The following DMD variants were observed in gnomAD, a reference collection of about 807,000 sequenced individuals.
The protein encoded by DMD is dystrophin.
In DMD, 63 loss-of-function variants were observed where a neutral mutation model predicts 330.1. The ratio of observed to expected loss-of-function variants is 0.19; its 90% CI spans 0.16 to 0.24. The LOEUF (loss-of-function observed/expected upper bound fraction) is 0.24. DMD is among the 10% of genes least tolerant of loss of function. DMD has a pLI of 1.00. For missense variants in DMD, 3,344 were observed against 2,684.1 expected, an observed-to-expected ratio of 1.25 and a Z score of -5.43; for synonymous variants, 1,223 against 959.8, an observed-to-expected ratio of 1.27 and a Z score of -5.07.
rs550153421 is a variant in DMD at position 32,719,711 on chromosome X, G to C, written c.650-20418C>G. On this transcript the variant is annotated intron_variant, in intron 7 of 78. Transcript: ENST00000357033. ...CTTATTTAAGTTATTTTCACTGCTT[G>C]GAATGCCTGATACTTTTTTTTTCAT... Among the ~76,000 whole-genome samples the C allele has an allele frequency of 2.1e-4, 23 of 110,730 alleles. No homozygotes were observed. The East Asian group carries it at 5.1e-3, about 24-fold the overall frequency.
intron 60 of DMD, among the ~76,000 whole-genome samples, chrX:31,370,379 C>A (rs1180858312): frequency 8.9e-6 from 1 of 111,994 alleles, no homozygotes; most frequent in African/African-American, 3.2e-5. Context: ...AGACAAAAGA[C>A]ATGAACAGAC....
At chrX:31,508,494 T>C (rs2071174242) in intron 55 of DMD, 1 of 232,611 alleles carries the variant, frequency 4.3e-6, no homozygotes, top group Middle Eastern at 1.2e-3. Context: ...TGACAGTTTA[T>C]ATTAAACAGC....
intron 55 of DMD, among the ~76,000 whole-genome samples, chrX:31,590,152 A>C (rs761095497): frequency 9.0e-6 from 1 of 111,082 alleles, no homozygotes; most frequent in Admixed American, 9.6e-5. Context: ...CACACATCTT[A>C]ATTGTAAACT....
chrX:31,904,432 C>T (rs1283011090), intron 47 of DMD, among the ~76,000 whole-genome samples: 1 of 111,227 alleles, frequency 9.0e-6, no homozygotes, highest in African/African-American at 3.3e-5. Context: ...TTTTGACTTG[C>T]TTCTGACAAG....
Position 32,490,436 on chromosome X carries a change from C to T in DMD, c.2622+841G>A, listed in dbSNP as rs546289136. 1.8e-4 allele frequency among the ~76,000 whole-genome samples: 20 copies of T among 111,503 alleles called. No individual in the cohort carries two copies. In the South Asian group the frequency reaches 7.6e-3, roughly 42 times the overall value. On this transcript the variant is annotated intron_variant, in intron 20 of 78. Transcript: ENST00000357033. ...TTGTCCACTTACATCTTGTTTGCCC[C>T]TCCAGATCCACTGTCCGCTCTTCTC...
intron 2 of DMD, among the ~76,000 whole-genome samples, chrX:33,010,178 ATATT>A (rs2093661085): frequency 1.2e-5 from 1 of 80,780 alleles, no homozygotes; most frequent in Non-Finnish European, 2.7e-5. Context: ...ATATATGCAT[ATATT>A]TGTGTATGTA....
intron 1 of DMD, among the ~76,000 whole-genome samples, chrX:33,311,023 C>A (rs1386597933): frequency 1.8e-5 from 2 of 110,184 alleles, no homozygotes; most frequent in Non-Finnish European, 1.9e-5. Flanking sequence ...GACTTTATAT[C>A]CCAGTTCAAT....
intron 61 of DMD, among the ~76,000 whole-genome samples, chrX:31,343,048 G>A (rs1030128637): frequency 1.8e-5 from 2 of 111,682 alleles, no homozygotes; most frequent in Non-Finnish European, 3.8e-5. Flanking sequence ...AAAGTGATGG[G>A]ATTACAGGTG....
intron 50 of DMD, among the ~76,000 whole-genome samples, chrX:31,799,925 T>C: frequency 8.9e-6 from 1 of 112,721 alleles, no homozygotes; most frequent in East Asian, 2.8e-4. Flanking sequence ...ATGATCTCCT[T>C]TGACTACATG....
At chrX:32,556,518 T>C (rs1438660628) in intron 16 of DMD, among the ~76,000 whole-genome samples, 2 of 111,614 alleles carry the variant, frequency 1.8e-5, no homozygotes, top group African/African-American at 6.5e-5. Context: ...TGTGTATCAT[T>C]GCAACACTAT....
chrX:32,649,411 G>T (rs570523085), intron 9 of DMD, among the ~76,000 whole-genome samples: 1 of 109,000 alleles, frequency 9.2e-6, no homozygotes, highest in Admixed American at 9.8e-5. Flanking sequence ...AAAATTAGCC[G>T]GGCGCGGTGG....
At chrX:32,446,731 C>T (rs760731031) in intron 27 of DMD, among the ~76,000 whole-genome samples, 11 of 110,143 alleles carry the variant, frequency 1.0e-4, no homozygotes, top group South Asian at 7.6e-4. Flanking sequence ...AACAATAACG[C>T]GGAAAACGGA....
intron 64 of DMD, among the ~76,000 whole-genome samples, chrX:31,214,981 ACCCAGG>A (rs1373507398): frequency 1.4e-5 from 1 of 73,377 alleles, no homozygotes; most frequent in East Asian, 4.6e-4. Context: ...TTGCTCTGTC[ACCCAGG>A]CTGGAGGACA....
intron 55 of DMD, among the ~76,000 whole-genome samples, chrX:31,524,267 A>G (rs1296692384): frequency 1.8e-5 from 2 of 111,944 alleles, no homozygotes; most frequent in Non-Finnish European, 3.8e-5. Context: ...CTGTTATTGC[A>G]TGGGCTGTTT....
intron 1 of DMD, among the ~76,000 whole-genome samples, chrX:33,291,591 T>C (rs1025592163): frequency 2.7e-5 from 3 of 111,480 alleles, no homozygotes; most frequent in South Asian, 3.7e-4. Context: ...TGGAAAAAGC[T>C]ACATATAAAT....
chrX:32,361,054 C>T lies in DMD; in HGVS notation c.5325+1734G>A, dbSNP rs138950777. 5.0e-3 allele frequency among the ~76,000 whole-genome samples: 549 copies of T among 110,271 alleles called. 1 individual carries two copies. Among genetic ancestry groups the T allele is most frequent in the African/African-American group, 0.017 (505 of 30,456 alleles). ...CTACCCATTTTTTAATATCTGTGAACCACAATCTTGTAACACAATTTATCC... is the reference window on the plus strand; with the variant it reads ...CTACCCATTTTTTAATATCTGTGAATCACAATCTTGTAACACAATTTATCC... On this transcript the variant is annotated intron_variant, in intron 37 of 78. Transcript: ENST00000357033.
intron 51 of DMD, among the ~76,000 whole-genome samples, chrX:31,746,523 A>G (rs1297032330): frequency 1.8e-5 from 2 of 112,190 alleles, no homozygotes; most frequent in African/African-American, 6.5e-5. Flanking sequence ...ATTTATAAGA[A>G]TTCAAATACC....
intron 44 of DMD, among the ~76,000 whole-genome samples, chrX:31,979,636 A>T (rs764236125): frequency 0.033 from 3,662 of 109,897 alleles, 64 homozygotes; most frequent in Non-Finnish European, 0.052. Flanking sequence ...AAAAAAAAAA[A>T]TAGTGCTGAT....
intron 29 of DMD, among the ~76,000 whole-genome samples, chrX:32,427,001 G>T (rs2098215907): frequency 9.0e-6 from 1 of 111,152 alleles, no homozygotes; most frequent in South Asian, 3.8e-4. Flanking sequence ...TACCTATCAG[G>T]TAGTATGCTT....
Sources: allele counts gnomAD v4.1 joint callset (sites outside exome capture counted in the v4.1 genomes callset), GRCh38; gene constraint gnomAD v4.1.1; transcripts MANE v1.5; gene names NCBI Gene and HGNC (gene_info 2026-07-23, HGNC 2026-07-21).